Variants in PGK1 observed in about 807,000 individuals in gnomAD.
PGK1 encodes phosphoglycerate kinase 1.
A neutral mutation model predicts 26.9 loss-of-function variants in PGK1; 3 were observed. That is an observed-to-expected ratio of 0.11 (90% confidence interval 0.05 to 0.29). The LOEUF (loss-of-function observed/expected upper bound fraction) is 0.29, where lower values mean the gene tolerates loss of function less well. Among genes scored for constraint, PGK1 ranks in the 10% least tolerant of loss-of-function variants. The probability of loss-of-function intolerance (pLI) is 1.00; values close to 1 mark genes in which losing one functional copy is unlikely to be tolerated. For missense variants in PGK1, 270 were observed against 314.7 expected, an observed-to-expected ratio of 0.86 and a Z score of 1.07; for synonymous variants, 125 against 115.3, an observed-to-expected ratio of 1.08 and a Z score of -0.54.
chrX:78,110,704 G>C (rs2078296620), intron 2 of PGK1, among the ~76,000 whole-genome samples: 2 of 110,598 alleles, frequency 1.8e-5, no homozygotes, highest in African/African-American at 6.6e-5. Context: ...AGTACCAGTA[G>C]TTACTAAGGT....
chrX:78,112,632 A>G, intron 2 of PGK1, among the ~76,000 whole-genome samples: 1 of 112,089 alleles, frequency 8.9e-6, no homozygotes, highest in Non-Finnish European at 1.9e-5. Context: ...ATTTCCTTTG[A>G]TGGTTTCAAG....
chrX:78,125,704 GTTA>G lies in PGK1; in HGVS notation c.1214-83_1214-81del, dbSNP rs2078380019. ...ATATATCCTAAAAAAGAGCTGGCAT[GTTA>G]TTGGGAAGATAAAGTGGGGGAAATC... On this transcript the variant is annotated intron_variant, in intron 10 of 10. Coordinates refer to ENST00000373316, the MANE Select transcript of PGK1 (RefSeq NM_000291.4). The G allele has an allele frequency of 1.2e-5, 10 of 832,600 alleles. No homozygotes were observed. The South Asian group carries it at 1.2e-4, about 10-fold the overall frequency. The allele number at this position is 832,600 out of a possible 1,213,427, so 68.6% of individuals were successfully genotyped here. A position where few individuals can be genotyped will look rare whatever the true frequency, so the allele number is the denominator to read the frequency against.
intron 4 of PGK1, among the ~76,000 whole-genome samples, chrX:78,117,093 G>T (rs1278401617): frequency 1.8e-5 from 2 of 111,493 alleles, no homozygotes; most frequent in Non-Finnish European, 3.8e-5. Flanking sequence ...TATTAGGTTT[G>T]CAATTTGAGG....
intron 1 of PGK1, among the ~76,000 whole-genome samples, chrX:78,107,786 T>TA (rs782705938): frequency 9.0e-6 from 1 of 111,217 alleles, no homozygotes; most frequent in African/African-American, 3.3e-5. Flanking sequence ...CCTTTTGAGG[T>TA]ATCCCCAGAC....
intron 6 of PGK1, among the ~76,000 whole-genome samples, chrX:78,121,392 TTGTGTGTGTA>T (rs1172184875): frequency 9.0e-6 from 1 of 111,625 alleles, no homozygotes; most frequent in Admixed American, 9.5e-5. Context: ...TTTCTTCCCT[TTGTGTGTGTA>T]TGTGTGTGTG....
At chrX:78,112,396 A>T (rs1257367768) in intron 2 of PGK1, among the ~76,000 whole-genome samples, 2 of 112,596 alleles carry the variant, frequency 1.8e-5, no homozygotes, top group Non-Finnish European at 3.7e-5. Context: ...GATCAATTTT[A>T]ATTTCTTATA....
intron 2 of PGK1, among the ~76,000 whole-genome samples, chrX:78,111,961 C>T (rs1442405501): frequency 8.9e-6 from 1 of 112,260 alleles, no homozygotes; most frequent in East Asian, 2.8e-4. Context: ...GTACCTGATA[C>T]AGATTTTTAA....
At chrX:78,113,941 G>T in intron 3 of PGK1, 42 bp downstream of exon 3, 1 of 1,207,056 alleles carries the variant, frequency 8.3e-7, no homozygotes, top group Non-Finnish European at 1.1e-6. Flanking sequence ...TGTGGCGGGG[G>T]AAGTTGTCAA....
rs1557248487 is a variant in PGK1, at chrX:78,124,971, G to A, written c.1034G>A (p.Trp345Ter). ...VWNGPVGVFE[W>*]EAFARGTKAL... ...AATGGTCCTGTGGGGGTATTTGAAT[G>A]GGAAGCTTTTGCCCGGGGAACCAAA... The change falls in exon 9 of 11, where the codon TGG (tryptophan) becomes TAG (stop). Residue 345 changes from tryptophan (W) to a stop codon, truncating the protein, a stop_gained. Coordinates refer to ENST00000373316, the MANE Select transcript of PGK1 (RefSeq NM_000291.4). LOFTEE classifies it high-confidence loss of function. 1 of 1,209,941 alleles carries A rather than the reference G, an allele frequency of 8.3e-7. No homozygotes were observed. The highest frequency in any genetic ancestry group is 1.8e-5 in the South Asian group (1 of 56,956).
chrX:78,120,378 C>T (rs782757173), intron 6 of PGK1, among the ~76,000 whole-genome samples: 61 of 109,759 alleles, frequency 5.6e-4, no homozygotes, highest in East Asian at 1.7e-3. Context: ...CGTATATATT[C>T]CTGACAAAGT....
chrX:78,113,756 T>A lies in PGK1; in HGVS notation c.129T>A (p.Ala43=). 3 of 1,210,324 alleles carry A rather than the reference T, an allele frequency of 2.5e-6. No homozygotes were observed. The highest frequency in any genetic ancestry group is 3.4e-6 in the Non-Finnish European group (3 of 894,291). The change falls in exon 3 of 11, where the codon GCT becomes GCA. Residue 43 remains alanine (A), a synonymous_variant. Transcript: ENST00000373316. ...TCTTTGGTTGCAGGATTAAGGCTGC[T>A]GTCCCAAGCATCAAATTCTGCTTGG... ...QITNNQRIKA[A]VPSIKFCLDN...
intron 9 of PGK1, 44 bp from the exon 10 acceptor site, chrX:78,125,283 T>TG: frequency 3.8e-6 from 4 of 1,050,972 alleles, no homozygotes; most frequent in Non-Finnish European, 5.3e-6. Context: ...TCCCTTTTTT[T>TG]TCTTTTCTCT....
At chrX:78,106,388 G>A in intron 1 of PGK1, 1 of 746,751 alleles carries the variant, frequency 1.3e-6, no homozygotes. Context: ...ACTTATTTAG[G>A]CTGAGGACAG....
Position 78,127,309 on chromosome X carries a change from C to G in PGK1, c.*1479C>G, listed in dbSNP as rs1407947010. Reference sequence around the variant, plus strand: ...TATCACTTTTTGAGACTCGAAGCCACTGTTTCATTGTCACTATTGAGAATC... The same window carrying G: ...TATCACTTTTTGAGACTCGAAGCCAGTGTTTCATTGTCACTATTGAGAATC... On this transcript the variant is annotated 3_prime_UTR_variant, in exon 11 of 11. Coordinates refer to ENST00000373316, the MANE Select transcript of PGK1 (RefSeq NM_000291.4). 1 of 112,554 alleles carries G rather than the reference C, an allele frequency of 8.9e-6. No homozygotes were observed. Among genetic ancestry groups the G allele is most frequent in the Non-Finnish European group, 1.9e-5 (1 of 53,344 alleles). The allele number at this position is 112,554 out of a possible 1,213,427, so 9.3% of individuals were successfully genotyped here. A position where few individuals can be genotyped will look rare whatever the true frequency, so the allele number is the denominator to read the frequency against.
rs1187663822 is a variant in PGK1 at position 78,123,310 on chromosome X, A to G, written c.872A>G (p.Lys291Arg). The G allele has an allele frequency of 1.1e-5, 13 of 1,207,909 alleles. No individual in the cohort carries two copies. Among genetic ancestry groups the G allele is most frequent in the Non-Finnish European group, 1.5e-5 (13 of 893,298 alleles). Residue 291 changes from lysine (K) to arginine (R), a missense_variant, in exon 8 of 11, where the codon AAG (lysine) becomes AGG (arginine). This residue lies in a region of PGK1 where 103 missense variants were observed against 114.6 expected (regional missense o/e 0.90). Transcript: ENST00000373316. ...TLPVDFVTAD[K>R]FDENAKTGQA... ...CCTGTTGACTTTGTCACTGCTGACAAGTTTGATGAGAATGCCAAGACTGGC... is the reference window on the plus strand; with the variant it reads ...CCTGTTGACTTTGTCACTGCTGACAGGTTTGATGAGAATGCCAAGACTGGC...
chrX:78,111,872 A>C (rs1187033253), intron 2 of PGK1, among the ~76,000 whole-genome samples: 2 of 112,525 alleles, frequency 1.8e-5, no homozygotes, highest in African/African-American at 6.5e-5. Context: ...GTTGATTAAC[A>C]AAATGAAGCA....
At chrX:78,109,585 A>G (rs1557246639) in intron 1 of PGK1, among the ~76,000 whole-genome samples, 1 of 110,630 alleles carries the variant, frequency 9.0e-6, no homozygotes, top group African/African-American at 3.3e-5. Flanking sequence ...AAGGGCACAA[A>G]TCACAAGTTC....
intron 6 of PGK1, among the ~76,000 whole-genome samples, chrX:78,120,418 ATGTG>A (rs781791924): frequency 1.8e-5 from 2 of 108,681 alleles, no homozygotes; most frequent in East Asian, 5.7e-4. Context: ...ATGTGTATAT[ATGTG>A]TGTGTGTGTG....
rs1283331205 is a variant in PGK1, at chrX:78,106,546, C to T, written c.65+2141C>T. 5.3e-6 allele frequency: 4 copies of T among 751,861 alleles called. No individual in the cohort carries two copies. The African/African-American group carries it at 7.0e-5, about 13-fold the overall frequency. The allele number at this position is 751,861 out of a possible 1,213,427, so 62.0% of individuals were successfully genotyped here. A position where few individuals can be genotyped will look rare whatever the true frequency, so the allele number is the denominator to read the frequency against. ...ACGTGGTGGTTGCTGGCGGTGTTTC[C>T]GGAATGGGGCTTCCTGAGTAGTGGC... On this transcript the variant is annotated intron_variant, in intron 1 of 10. Coordinates refer to ENST00000373316, the MANE Select transcript of PGK1 (RefSeq NM_000291.4).
Sources: allele counts gnomAD v4.1 joint callset (sites outside exome capture counted in the v4.1 genomes callset), GRCh38; gene constraint gnomAD v4.1.1; regional missense constraint gnomAD v4.1.1; transcripts MANE v1.5; gene names NCBI Gene and HGNC (gene_info 2026-07-23, HGNC 2026-07-21).